The following MAP4 variants were observed in gnomAD, a reference collection of about 807,000 sequenced individuals.
MAP4 encodes the protein microtubule associated protein 4.
A neutral mutation model predicts 170.2 loss-of-function variants in MAP4; 76 were observed. That is an observed-to-expected ratio of 0.45 (90% CI 0.37 to 0.54). The LOEUF is 0.54. Among genes scored for constraint, MAP4 ranks in the 20% least tolerant of loss-of-function variants. MAP4 has a pLI of 0.00. For synonymous variants in MAP4, 909 were observed against 994.5 expected, an observed-to-expected ratio of 0.91 and a Z score of 1.62; for missense variants, 2,506 against 2,748.0, an observed-to-expected ratio of 0.91 and a Z score of 1.97.
At chr3:47,903,285 G>C (rs1256372135) in intron 9 of MAP4, among the ~76,000 whole-genome samples, 1 of 152,164 alleles carries the variant, frequency 6.6e-6, no homozygotes, top group Non-Finnish European at 1.5e-5. Context: ...TGTAATCCCA[G>C]CACTTTGGGA....
chr3:48,010,811 T>C (rs1579218294), intron 1 of MAP4, among the ~76,000 whole-genome samples: 1 of 152,126 alleles, frequency 6.6e-6, no homozygotes. Context: ...CATGAAGAGA[T>C]GGGCCTAGCC....
chr3:47,871,069 G>C lies in MAP4; in HGVS notation c.6038C>G (p.Ser2013Cys), dbSNP rs1402126697. Reference sequence around the variant, plus strand: ...ACTGAGAGTGGTGGTTTTCTTCATGGAACTGGTGGAGGTGCTCTTTGGGCG... The same window carrying C: ...ACTGAGAGTGGTGGTTTTCTTCATGCAACTGGTGGAGGTGCTCTTTGGGCG... ...LSRPKSTSTSSMKKTTTLSGT... is the reference protein window; with the variant it reads ...LSRPKSTSTSCMKKTTTLSGT... Residue 2013 changes from serine to cysteine, a missense_variant, in exon 15 of 21, where the codon TCC (serine) becomes TGC (cysteine). Ser to Cys is a moderately radical substitution (Grantham distance 112). Transcript: ENST00000683076. 1 of 1,610,826 alleles carries C rather than the reference G, an allele frequency of 6.2e-7. No homozygotes were observed.
rs1382526918 is a variant in MAP4, at chr3:47,912,105, C to T, written c.2316G>A (p.Lys772=). Residue 772 remains lysine (K), a synonymous_variant, in exon 9 of 21, where the codon AAG becomes AAA. Transcript: ENST00000683076. ...AATATCTCTTTTGCTTTGGTTTCTTCTTCTTTTTCTTCATCATTATTGGTG... is the reference window on the plus strand; with the variant it reads ...AATATCTCTTTTGCTTTGGTTTCTTTTTCTTTTTCTTCATCATTATTGGTG... The part of the protein sequence containing the change: ...ESTPIMMKKK[K]KKPKQKRYSQ... 1.6e-5 allele frequency: 24 copies of T among 1,536,052 alleles called. No individual in the cohort carries two copies. The highest frequency in any genetic ancestry group is 3.5e-6 in the Non-Finnish European group (4 of 1,146,914).
chr3:47,918,980 A>G, intron 5 of MAP4, 139 bp from the exon 6 acceptor site: 1 of 603,826 alleles, frequency 1.7e-6, no homozygotes, highest in South Asian at 1.9e-5. Context: ...CCACGCAGAC[A>G]GAGTGAAGTG....
At chr3:47,977,726 A>G (rs1372421424) in intron 3 of MAP4, 139 bp downstream of exon 3, 4 of 588,732 alleles carry the variant, frequency 6.8e-6, no homozygotes, top group Non-Finnish European at 1.3e-5. Context: ...TCCTGGGTTT[A>G]AATACCTCCA....
At chr3:47,986,838 G>A (rs1357971992) in intron 2 of MAP4, among the ~76,000 whole-genome samples, 2 of 152,038 alleles carry the variant, frequency 1.3e-5, no homozygotes, top group African/African-American at 2.4e-5. Context: ...ATGATCATGA[G>A]ACTATTAAGA....
chr3:47,917,150 A>C lies in MAP4; in HGVS notation c.677T>G (p.Ile226Arg), dbSNP rs199724089. 2 of 1,613,794 alleles carry C rather than the reference A, an allele frequency of 1.2e-6. No individual in the cohort carries two copies. Among genetic ancestry groups the C allele is most frequent in the African/African-American group, 1.3e-5 (1 of 74,846 alleles). ...TAVPLELAKE[I>R]EMASEERPPA... ...TGGCCTCTCTTCTGATGCCATTTCTATCTCCTTGGCTAGCTCTAAGGGAAC... is the reference window on the plus strand; with the variant it reads ...TGGCCTCTCTTCTGATGCCATTTCTCTCTCCTTGGCTAGCTCTAAGGGAAC... Residue 226 changes from isoleucine to arginine, a missense_variant, in exon 7 of 21, where the codon ATA (isoleucine) becomes AGA (arginine). Ile to Arg is a moderately conservative substitution (Grantham distance 97). Around this residue, in one of 3 missense-constraint regions of MAP4, gnomAD observed 2,008 missense variants for 2,206.0 expected, o/e 0.91. Transcript: ENST00000683076.
chr3:47,946,799 C>G (rs1158186704), intron 3 of MAP4, among the ~76,000 whole-genome samples: 1 of 151,556 alleles, frequency 6.6e-6, no homozygotes, highest in East Asian at 1.9e-4. Context: ...TATAATGAAC[C>G]CTATTTCTAT....
chr3:47,918,277 C>A (rs1233229968), intron 6 of MAP4, among the ~76,000 whole-genome samples: 1 of 152,136 alleles, frequency 6.6e-6, no homozygotes, highest in Non-Finnish European at 1.5e-5. Flanking sequence ...AGCCACCGTG[C>A]CTAGACCAAT....
intron 10 of MAP4, among the ~76,000 whole-genome samples, chr3:47,881,473 T>C (rs1184582759): frequency 1.8e-5 from 2 of 110,568 alleles, no homozygotes; most frequent in African/African-American, 3.5e-5. Flanking sequence ...TATATATATA[T>C]ATATATATAT....
intron 3 of MAP4, chr3:47,973,297 A>G (rs533323585): frequency 2.0e-6 from 2 of 985,208 alleles, no homozygotes; most frequent in African/African-American, 3.5e-5. Context: ...GAAAGAAGGC[A>G]TATGAAAATC....
chr3:48,084,908 C>T (rs2100148334), intron 1 of MAP4, among the ~76,000 whole-genome samples: 1 of 151,848 alleles, frequency 6.6e-6, no homozygotes, highest in Non-Finnish European at 1.5e-5. Flanking sequence ...TCCCAAAGTG[C>T]TGGAATTACA....
rs552674397 is a variant in MAP4 at position 47,880,967 on chromosome 3, G to A, written c.5435-3444C>T. On this transcript the variant is annotated intron_variant, in intron 10 of 20. Transcript: ENST00000683076. The stretch of plus-strand genomic sequence containing the variant: ...TAGTTCTATCAACTGTTCATAGTGG[G>A]TTACAGAAGTCCCCAGCTGTAATTG... Among the ~76,000 whole-genome samples, 86 of 152,184 alleles carry A rather than the reference G, an allele frequency of 5.7e-4. No homozygotes were observed. The Middle Eastern group carries it at 0.01, about 18-fold the overall frequency.
chr3:47,999,570 G>C (rs1205669383), intron 1 of MAP4, among the ~76,000 whole-genome samples: 1 of 152,120 alleles, frequency 6.6e-6, no homozygotes, highest in East Asian at 1.9e-4. Context: ...TGGGAAGCAG[G>C]AGGATATTAT....
intron 1 of MAP4, among the ~76,000 whole-genome samples, chr3:48,047,533 G>C (rs2100125235): frequency 6.6e-6 from 1 of 152,124 alleles, no homozygotes; most frequent in Non-Finnish European, 1.5e-5. Context: ...AATTCATGTG[G>C]TAAGGTGGCC....
At chr3:48,052,513 C>T (rs117755298) in intron 1 of MAP4, among the ~76,000 whole-genome samples, 2 of 152,300 alleles carry the variant, frequency 1.3e-5, no homozygotes, top group East Asian at 1.9e-4. Context: ...TGAGCCACCG[C>T]GTCCTGCCTG....
chr3:47,972,188 T>G (rs994169882), intron 3 of MAP4, among the ~76,000 whole-genome samples: 2 of 152,236 alleles, frequency 1.3e-5, no homozygotes, highest in Admixed American at 6.5e-5. Context: ...ATATTGTACT[T>G]GCAACCCTAC....
intron 10 of MAP4, among the ~76,000 whole-genome samples, chr3:47,879,419 G>A (rs1266469573): frequency 6.6e-6 from 1 of 152,168 alleles, no homozygotes; most frequent in Non-Finnish European, 1.5e-5. Flanking sequence ...GGGAGGTTAG[G>A]AGGCTTAAAA....
chr3:47,932,504 G>A (rs1215568909), intron 3 of MAP4, among the ~76,000 whole-genome samples: 1 of 152,138 alleles, frequency 6.6e-6, no homozygotes, highest in African/African-American at 2.4e-5. Flanking sequence ...CTGCCAAACT[G>A]TTTCCAAAAT....
Sources: allele counts gnomAD v4.1 joint callset (sites outside exome capture counted in the v4.1 genomes callset), GRCh38; gene constraint gnomAD v4.1.1; regional missense constraint gnomAD v4.1.1; transcripts MANE v1.5; gene names NCBI Gene and HGNC (gene_info 2026-07-23, HGNC 2026-07-21).